XKR4: variants seen among roughly 807,000 people sequenced by gnomAD.
The protein encoded by XKR4 is XK-related protein 4.
In XKR4, 12 loss-of-function variants were observed where a neutral mutation model predicts 53.9. The observed-to-expected ratio is 0.22, with a 90% CI of 0.14 to 0.36. The LOEUF (loss-of-function observed/expected upper bound fraction) is 0.36. Ranked by LOEUF, XKR4 falls within the 10% of genes least tolerant of loss-of-function variation. The probability of loss-of-function intolerance (pLI) is 1.00; values close to 1 mark genes in which losing one functional copy is unlikely to be tolerated. For missense variants in XKR4, 799 were observed against 859.5 expected (o/e 0.93, Z 0.88); for synonymous variants, 354 against 362.4 (o/e 0.98, Z 0.26).
At chr8:55,129,416 G>A (rs6984131) in intron 1 of XKR4, among the ~76,000 whole-genome samples, 135 of 152,322 alleles carry the variant, frequency 8.9e-4, no homozygotes, top group African/African-American at 3.2e-3. Context: ...GAGGAGAGGT[G>A]GGGTTACAGT....
intron 1 of XKR4, among the ~76,000 whole-genome samples, chr8:55,162,470 C>T (rs1173151773): frequency 6.6e-6 from 1 of 152,202 alleles, no homozygotes; most frequent in Non-Finnish European, 1.5e-5. Flanking sequence ...ACAACTTCTT[C>T]ATTTGCAAAA....
chr8:55,245,249 G>T (rs1056460043), intron 1 of XKR4, among the ~76,000 whole-genome samples: 20 of 151,868 alleles, frequency 1.3e-4, no homozygotes, highest in African/African-American at 3.9e-4. Flanking sequence ...CTTGCTAGTT[G>T]GTTTAAGTTC....
At chr8:55,395,383 G>C (rs1804502477) in intron 2 of XKR4, among the ~76,000 whole-genome samples, 3 of 151,736 alleles carry the variant, frequency 2.0e-5, no homozygotes, top group African/African-American at 7.3e-5. Context: ...AGAGAGTCCA[G>C]GAAAGGCATG....
At chr8:55,378,022 G>A (rs921306046) in intron 2 of XKR4, among the ~76,000 whole-genome samples, 9 of 152,282 alleles carry the variant, frequency 5.9e-5, no homozygotes, top group African/African-American at 1.7e-4. Flanking sequence ...TGTCTTCATC[G>A]GGGGAATAGA....
chr8:55,168,892 G>A (rs1011115712), intron 1 of XKR4, among the ~76,000 whole-genome samples: 2 of 152,152 alleles, frequency 1.3e-5, no homozygotes, highest in Admixed American at 1.3e-4. Context: ...TCTGTGTCCT[G>A]TTAACTGATT....
intron 1 of XKR4, among the ~76,000 whole-genome samples, chr8:55,138,424 A>G (rs1382871306): frequency 6.6e-6 from 1 of 152,220 alleles, no homozygotes; most frequent in Non-Finnish European, 1.5e-5. Flanking sequence ...AAGTTTTTAA[A>G]GTCAGCTCAC....
chr8:55,178,078 T>TCTGCAGAA (rs1156800828), intron 1 of XKR4, among the ~76,000 whole-genome samples: 5 of 152,210 alleles, frequency 3.3e-5, no homozygotes, highest in Non-Finnish European at 7.3e-5. Flanking sequence ...ATTTCTGCAT[T>TCTGCAGAA]GCCCTCTGGT....
At chr8:55,401,961 A>T (rs1212360702) in intron 2 of XKR4, among the ~76,000 whole-genome samples, 1 of 152,222 alleles carries the variant, frequency 6.6e-6, no homozygotes. Context: ...TTTATGTAAA[A>T]TAACTTGACT....
In XKR4 at chr8:55,209,203, A is replaced by ATGTGTGTGTGTGTGTGTG. The variant is rs77094773; in HGVS notation, c.806+105917_806+105934dup. Among the ~76,000 whole-genome samples, 123 of 149,320 alleles carry ATGTGTGTGTGTGTGTGTG rather than the reference A, an allele frequency of 8.2e-4. 1 individual carries two copies. Among genetic ancestry groups the ATGTGTGTGTGTGTGTGTG allele is most frequent in the Admixed American group, 3.3e-3 (50 of 15,030 alleles). ...CCCAAAGAGGGAGAGCAGTGTGTTTATGTGTGTGTGTGTGTGTGTGTGTGT... is the reference window on the plus strand; with the variant it reads ...CCCAAAGAGGGAGAGCAGTGTGTTTATGTGTGTGTGTGTGTGTGTGTGTGTGTGTGTGTGTGTGTGTGT... On this transcript the variant is annotated intron_variant, in intron 1 of 2. Transcript: ENST00000327381.
Position 55,530,829 on chromosome 8 carries a change from T to A in XKR4, c.*6602T>A, listed in dbSNP as rs1462942003. ...ACAACTGAGATCCAAAAAGAACAGG[T>A]AATTTTTGTGATCAGGATTACACAA... is the stretch of plus-strand genomic sequence containing the variant. On this transcript the variant is annotated 3_prime_UTR_variant, in exon 3 of 3. Coordinates refer to ENST00000327381, the MANE Select transcript of XKR4 (RefSeq NM_052898.2). 5 of 152,192 alleles carry A rather than the reference T, an allele frequency of 3.3e-5. No individual in the cohort carries two copies. The highest frequency in any genetic ancestry group is 4.8e-5 in the African/African-American group (2 of 41,436). 9.4% of individuals were successfully genotyped at this position (152,192 alleles called of 1,614,324 possible).
At chr8:55,145,430 CA>C (rs3048693) in intron 1 of XKR4, among the ~76,000 whole-genome samples, 50 of 149,816 alleles carry the variant, frequency 3.3e-4, no homozygotes, top group African/African-American at 1.0e-3. Context: ...AATTTTTTCT[CA>C]AAAAAAAAAA....
intron 2 of XKR4, among the ~76,000 whole-genome samples, chr8:55,485,840 G>A (rs1298237763): frequency 6.6e-6 from 1 of 152,148 alleles, no homozygotes; most frequent in Non-Finnish European, 1.5e-5. Context: ...GTATAAGGAT[G>A]TTCTGGGATT....
intron 2 of XKR4, among the ~76,000 whole-genome samples, chr8:55,481,204 G>T (rs1305609198): frequency 6.6e-6 from 1 of 151,996 alleles, no homozygotes; most frequent in Non-Finnish European, 1.5e-5. Flanking sequence ...ACAGATATAA[G>T]ATCAACAAAA....
At position 55,149,916 on chromosome 8, in the gene XKR4, T is replaced by C. The variant is rs189577219; in HGVS notation, c.806+46622T>C. On this transcript the variant is annotated intron_variant, in intron 1 of 2. Coordinates refer to ENST00000327381, the MANE Select transcript of XKR4 (RefSeq NM_052898.2). ...CCAATCCATACAAGGGGAAACCATA[T>C]TGACACATTCTTTATATTGGAAAGG... is the stretch of plus-strand genomic sequence containing the variant. Among the ~76,000 whole-genome samples, 255 of 152,314 alleles carry C rather than the reference T, an allele frequency of 1.7e-3. 1 individual carries two copies. Among genetic ancestry groups the C allele is most frequent in the Non-Finnish European group, 2.2e-3 (147 of 68,018 alleles).
chr8:55,207,069 A>G (rs1292080960), intron 1 of XKR4, among the ~76,000 whole-genome samples: 1 of 152,200 alleles, frequency 6.6e-6, no homozygotes, highest in Non-Finnish European at 1.5e-5. Flanking sequence ...ACTCTCCCCA[A>G]ATTCCCAAAC....
chr8:55,447,305 T>C (rs969983110), intron 2 of XKR4, among the ~76,000 whole-genome samples: 2 of 152,134 alleles, frequency 1.3e-5, no homozygotes, highest in African/African-American at 2.4e-5. Flanking sequence ...AGATAGAAAG[T>C]GAGAGCCAAA....
intron 2 of XKR4, among the ~76,000 whole-genome samples, chr8:55,392,778 C>T (rs1804461012): frequency 6.6e-6 from 1 of 152,128 alleles, no homozygotes; most frequent in Non-Finnish European, 1.5e-5. Flanking sequence ...GCAAAAGAGC[C>T]AGACCCTTTC....
chr8:55,316,993 T>G (rs1391110104), intron 1 of XKR4, among the ~76,000 whole-genome samples: 1 of 152,194 alleles, frequency 6.6e-6, no homozygotes, highest in Non-Finnish European at 1.5e-5. Context: ...AAGCTTTTAA[T>G]AAATATTTAT....
chr8:55,346,495 T>C (rs561873676), intron 1 of XKR4, among the ~76,000 whole-genome samples: 51 of 152,300 alleles, frequency 3.3e-4, no homozygotes, highest in Middle Eastern at 3.4e-3. Context: ...TGTTCTACCA[T>C]AGAATGTAGG....
Sources: allele counts gnomAD v4.1 joint callset (sites outside exome capture counted in the v4.1 genomes callset), GRCh38; gene constraint gnomAD v4.1.1; transcripts MANE v1.5; gene names NCBI Gene and HGNC (gene_info 2026-07-23, HGNC 2026-07-21).